TRPM1: variants seen among roughly 807,000 people sequenced by gnomAD.
TRPM1 encodes the protein TRPM1-203 APA Isoform, Intron 10.
TRPM1 carries 113 observed loss-of-function variants against 149.4 expected under a neutral mutation model. The ratio of observed to expected loss-of-function variants is 0.76; its 90% CI spans 0.65 to 0.88. The LOEUF (loss-of-function observed/expected upper bound fraction) is 0.88. Ranked by LOEUF, TRPM1 falls within the 40% of genes least tolerant of loss-of-function variation. TRPM1 has a pLI of 0.00. For missense variants in TRPM1, 1,976 were observed against 2,038.7 expected, an observed-to-expected ratio of 0.97 and a Z score of 0.59; for synonymous variants, 741 against 759.5, an observed-to-expected ratio of 0.98 and a Z score of 0.40.
rs140136695 is a variant in TRPM1 at position 31,084,440 on chromosome 15, T to C, written c.-83-3002A>G. Among the ~76,000 whole-genome samples the C allele has an allele frequency of 5.9e-5, 9 of 152,290 alleles. No homozygotes were observed. The East Asian group carries it at 1.7e-3, about 29-fold the overall frequency. On this transcript the variant is annotated intron_variant, in intron 1 of 27. Coordinates refer to ENST00000256552, the MANE Select transcript of TRPM1 (RefSeq NM_001252024.2). The stretch of plus-strand genomic sequence containing the variant: ...ATGGATTTGCCTATTCTGGGCACTC[T>C]ATATGAATGGAATCATTCAACGTGT...
chr15:31,008,260 T>C (rs1373261776), intron 27 of TRPM1, among the ~76,000 whole-genome samples: 1 of 152,242 alleles, frequency 6.6e-6, no homozygotes, highest in Admixed American at 6.5e-5. Context: ...CCATCCTTCC[T>C]TGTTCCCAGT....
At chr15:31,109,622 C>T (rs112025826) in intron 1 of TRPM1, among the ~76,000 whole-genome samples, 4,441 of 150,908 alleles carry the variant, frequency 0.029, 227 homozygotes, top group African/African-American at 0.1. Flanking sequence ...ATCTCTTGAA[C>T]CTGGGAGGCA....
chr15:31,058,180 A>G (rs1288678672), intron 11 of TRPM1, among the ~76,000 whole-genome samples: 1 of 87,586 alleles, frequency 1.1e-5, no homozygotes, highest in Non-Finnish European at 2.5e-5. Context: ...TACAATAAAA[A>G]TACTTAAAAA....
chr15:31,051,132 G>A (rs145430080), intron 11 of TRPM1, among the ~76,000 whole-genome samples: 2 of 152,078 alleles, frequency 1.3e-5, no homozygotes, highest in Admixed American at 6.5e-5. Context: ...CATGCAATGC[G>A]GTGACAGACT....
intron 1 of TRPM1, among the ~76,000 whole-genome samples, chr15:31,093,824 G>A (rs538106642): frequency 2.6e-4 from 39 of 152,008 alleles, no homozygotes; most frequent in African/African-American, 7.0e-4. Context: ...GCTGGCCTCC[G>A]ACTCCTGACC....
chr15:31,161,105 C>G (rs1402878907), exon 1 of TRPM1: 1 of 750,958 alleles, frequency 1.3e-6, no homozygotes, highest in African/African-American at 1.7e-5. Context: ...ACGCACTGGG[C>G]GAGGGGGCCG....
intron 11 of TRPM1, among the ~76,000 whole-genome samples, chr15:31,054,354 G>A (rs754412437): frequency 1.3e-4 from 19 of 151,760 alleles, no homozygotes; most frequent in Admixed American, 3.3e-4. Flanking sequence ...GAGTGCAGTG[G>A]CATGATCTCA....
At chr15:31,078,611 G>C (rs1429028113) in intron 2 of TRPM1, among the ~76,000 whole-genome samples, 3 of 152,228 alleles carry the variant, frequency 2.0e-5, no homozygotes, top group African/African-American at 7.2e-5. Context: ...GGCAGGCAGT[G>C]TGGGCTCAGG....
intron 27 of TRPM1, among the ~76,000 whole-genome samples, chr15:31,016,980 CA>C (rs2032378269): frequency 7.5e-6 from 1 of 134,228 alleles, no homozygotes; most frequent in Non-Finnish European, 1.7e-5. Context: ...CACACACACA[CA>C]CACACACAAA....
At chr15:31,035,461 G>T in intron 21 of TRPM1, 85 bp downstream of exon 21, 1 of 1,590,678 alleles carries the variant, frequency 6.3e-7, no homozygotes, top group Non-Finnish European at 8.6e-7. Flanking sequence ...TGCATAATTT[G>T]CATGAAACGT....
At chr15:31,049,986 C>T (rs536432076) in intron 12 of TRPM1, among the ~76,000 whole-genome samples, 1 of 152,338 alleles carries the variant, frequency 6.6e-6, no homozygotes, top group East Asian at 1.9e-4. Flanking sequence ...ATGTGTGGCT[C>T]CAGCCTCCCC....
intron 16 of TRPM1, among the ~76,000 whole-genome samples, chr15:31,044,211 A>G (rs1039402354): frequency 2.0e-5 from 3 of 152,272 alleles, no homozygotes; most frequent in African/African-American, 7.2e-5. Flanking sequence ...GTGGAATACC[A>G]TGAAACAATG....
intron 1 of TRPM1, among the ~76,000 whole-genome samples, chr15:31,133,162 C>T (rs1235997400): frequency 6.6e-6 from 1 of 152,146 alleles, no homozygotes; most frequent in Non-Finnish European, 1.5e-5. Context: ...AGTGGCCGAG[C>T]GTGGTGGCTC....
chr15:31,113,491 A>C (rs2141026570), intron 1 of TRPM1, among the ~76,000 whole-genome samples: 1 of 152,120 alleles, frequency 6.6e-6, no homozygotes, highest in South Asian at 2.1e-4. Context: ...ACAATATCTT[A>C]AAGACAGTGA....
chr15:31,080,873 G>C (rs2034839924), intron 2 of TRPM1, among the ~76,000 whole-genome samples: 1 of 152,028 alleles, frequency 6.6e-6, no homozygotes, highest in Non-Finnish European at 1.5e-5. Flanking sequence ...AGAAACTAAA[G>C]CCCAGGCTCC....
At chr15:31,043,936 G>A (rs7167823) in intron 16 of TRPM1, among the ~76,000 whole-genome samples, 21,851 of 151,954 alleles carry the variant, frequency 0.14, 1,698 homozygotes, top group African/African-American at 0.18. Flanking sequence ...AAATAACAAA[G>A]GATCTGAACT....
intron 2 of TRPM1, among the ~76,000 whole-genome samples, chr15:31,079,564 G>C (rs1441133467): frequency 2.0e-5 from 3 of 152,348 alleles, no homozygotes; most frequent in Admixed American, 2.0e-4. Flanking sequence ...TTATAACCTG[G>C]TGTCCAAAGT....
At chr15:31,008,232 T>C (rs2032064281) in intron 27 of TRPM1, among the ~76,000 whole-genome samples, 1 of 152,186 alleles carries the variant, frequency 6.6e-6, no homozygotes, top group East Asian at 1.9e-4. Flanking sequence ...CAGTACACTG[T>C]TGAAGTGGTG....
At chr15:31,058,262 G>T (rs929116130) in intron 11 of TRPM1, among the ~76,000 whole-genome samples, 3 of 152,140 alleles carry the variant, frequency 2.0e-5, no homozygotes, top group Non-Finnish European at 4.4e-5. Flanking sequence ...AATTAGAAAT[G>T]TGGAGAAAAG....
Sources: gnomAD v4.1 joint callset for allele counts (sites outside exome capture counted in the v4.1 genomes callset) on GRCh38, gnomAD v4.1.1 for gene constraint, MANE v1.5 for transcripts, NCBI Gene and HGNC (gene_info 2026-07-23, HGNC 2026-07-21) for gene names.